The following SLC25A13 variants were observed in gnomAD, a reference collection of about 807,000 sequenced individuals.
SLC25A13 encodes solute carrier family 25 member 13.
In SLC25A13, 70 loss-of-function variants were observed where a neutral mutation model predicts 85.5. That is an observed-to-expected ratio of 0.82 (90% CI 0.68 to 1.00). SLC25A13 has a LOEUF of 1.00. SLC25A13 is among the 50% of genes least tolerant of loss of function. The pLI is 0.00. For synonymous variants in SLC25A13, 259 were observed against 288.7 expected (o/e 0.90, Z 1.04); for missense variants, 765 against 819.8 (o/e 0.93, Z 0.82).
chr7:96,308,709 A>G (rs1799849615), intron 1 of SLC25A13, among the ~76,000 whole-genome samples: 1 of 152,252 alleles, frequency 6.6e-6, no homozygotes, highest in African/African-American at 2.4e-5. Flanking sequence ...TAAAGAAAAA[A>G]ATGATAAATA....
chr7:96,174,982 C>T (rs935319102), intron 11 of SLC25A13, among the ~76,000 whole-genome samples: 5 of 152,166 alleles, frequency 3.3e-5, no homozygotes, highest in African/African-American at 7.2e-5. Context: ...GGTGCCTCCC[C>T]GCTAAGAAGC....
At chr7:96,145,122 T>C (rs544503425) in intron 14 of SLC25A13, among the ~76,000 whole-genome samples, 1 of 152,272 alleles carries the variant, frequency 6.6e-6, no homozygotes, top group East Asian at 1.9e-4. Context: ...TATTGTAGAA[T>C]CACAGATTGA....
intron 13 of SLC25A13, among the ~76,000 whole-genome samples, chr7:96,147,080 C>CAGAACGG (rs1792835258): frequency 1.9e-5 from 1 of 53,488 alleles, no homozygotes; most frequent in African/African-American, 1.3e-4. Flanking sequence ...AGACACAGAA[C>CAGAACGG]GTATCCAAAT....
At chr7:96,278,360 CCTCT>C (rs369991309) in intron 2 of SLC25A13, among the ~76,000 whole-genome samples, 1 of 152,046 alleles carries the variant, frequency 6.6e-6, no homozygotes, top group African/African-American at 2.4e-5. Context: ...CAGTGTCTCC[CCTCT>C]CTCTCTAATC....
chr7:96,178,257 GCCAGGGTGCCAAAGGACC>G (rs989132452), intron 11 of SLC25A13, among the ~76,000 whole-genome samples: 2 of 152,174 alleles, frequency 1.3e-5, no homozygotes, highest in African/African-American at 4.8e-5. Flanking sequence ...ACCCAGAGTG[GCCAGGGTGCCAAAGGACC>G]ACGCTGGGCA....
chr7:96,199,351 C>G (rs898427161), intron 5 of SLC25A13, among the ~76,000 whole-genome samples: 2 of 152,114 alleles, frequency 1.3e-5, no homozygotes, highest in Non-Finnish European at 2.9e-5. Context: ...ATACAAAGAG[C>G]AGGCAGACAA....
intron 3 of SLC25A13, among the ~76,000 whole-genome samples, chr7:96,261,208 C>A (rs1584528171): frequency 6.6e-6 from 1 of 152,286 alleles, no homozygotes; most frequent in African/African-American, 2.4e-5. Flanking sequence ...ACCACTTTAT[C>A]GACCATAGCA....
At chr7:96,157,162 C>T (rs929159326) in intron 13 of SLC25A13, among the ~76,000 whole-genome samples, 2 of 152,140 alleles carry the variant, frequency 1.3e-5, no homozygotes, top group African/African-American at 2.4e-5. Flanking sequence ...GAAGTCCAAG[C>T]GCCAAGCTTC....
At chr7:96,127,022 G>C (rs1417991153) in intron 15 of SLC25A13, among the ~76,000 whole-genome samples, 4 of 152,104 alleles carry the variant, frequency 2.6e-5, no homozygotes, top group African/African-American at 9.7e-5. Context: ...CTGTGTACTG[G>C]AACAGCTTTT....
Position 96,184,914 on chromosome 7 carries a change from A to C in SLC25A13, c.1018+13T>G. ...TAACAAAAGTGAAAATTTTTCTCTC[A>C]TCCATGACTAACCTCCAGCAACAGA... On this transcript the variant is annotated intron_variant, in intron 10 of 17. Coordinates refer to ENST00000265631, the MANE Select transcript of SLC25A13 (RefSeq NM_014251.3). The C allele has an allele frequency of 6.2e-7, 1 of 1,610,546 alleles. No homozygotes were observed. The highest frequency in any genetic ancestry group is 1.1e-5 in the South Asian group (1 of 91,010).
At chr7:96,221,747 C>T (rs1421638491) in intron 4 of SLC25A13, among the ~76,000 whole-genome samples, 5 of 152,166 alleles carry the variant, frequency 3.3e-5, no homozygotes, top group Admixed American at 1.3e-4. Context: ...CAACCTGAAT[C>T]GAAGTGACTG....
At chr7:96,173,651 G>A (rs964962944) in intron 11 of SLC25A13, among the ~76,000 whole-genome samples, 1 of 152,168 alleles carries the variant, frequency 6.6e-6, no homozygotes, top group Non-Finnish European at 1.5e-5. Flanking sequence ...CTGGCCTCAA[G>A]CAATCCTCCT....
intron 3 of SLC25A13, among the ~76,000 whole-genome samples, chr7:96,246,781 A>G (rs1175176152): frequency 6.6e-6 from 1 of 152,232 alleles, no homozygotes; most frequent in Non-Finnish European, 1.5e-5. Context: ...TCATTTTAAG[A>G]AATAAAATTA....
intron 1 of SLC25A13, 149 bp downstream of exon 1, chr7:96,321,793 C>T (rs1280139500): frequency 1.9e-6 from 2 of 1,027,198 alleles, no homozygotes; most frequent in African/African-American, 1.7e-5. Context: ...GTGGCCCCCT[C>T]CCTCCAGCAG....
chr7:96,188,644 A>T (rs557645893), intron 9 of SLC25A13, among the ~76,000 whole-genome samples: 2 of 152,230 alleles, frequency 1.3e-5, no homozygotes, highest in Non-Finnish European at 2.9e-5. Context: ...GATCTACAGA[A>T]AGCTGGGTAA....
At chr7:96,185,612 C>T (rs1029475700) in intron 9 of SLC25A13, among the ~76,000 whole-genome samples, 2 of 149,840 alleles carry the variant, frequency 1.3e-5, no homozygotes, top group Non-Finnish European at 3.0e-5. Context: ...AAAAATAGGT[C>T]GGGTACGGTG....
At chr7:96,259,042 T>C (rs558857375) in intron 3 of SLC25A13, among the ~76,000 whole-genome samples, 2 of 152,324 alleles carry the variant, frequency 1.3e-5, no homozygotes, top group South Asian at 4.1e-4. Context: ...ATCCCTTCCT[T>C]ACACTGTATA....
At chr7:96,168,979 G>T (rs987799589) in intron 13 of SLC25A13, among the ~76,000 whole-genome samples, 1 of 152,072 alleles carries the variant, frequency 6.6e-6, no homozygotes, top group Non-Finnish European at 1.5e-5. Flanking sequence ...GACATTAAAG[G>T]CTCCTTTTTT....
At chr7:96,129,010 A>G (rs1057170744) in intron 15 of SLC25A13, among the ~76,000 whole-genome samples, 5 of 138,574 alleles carry the variant, frequency 3.6e-5, no homozygotes, top group Non-Finnish European at 6.1e-5. Context: ...ATCTACTGCC[A>G]TGTTGTGAGG....
Sources: allele counts gnomAD v4.1 joint callset (sites outside exome capture counted in the v4.1 genomes callset), GRCh38; gene constraint gnomAD v4.1.1; transcripts MANE v1.5; gene names NCBI Gene and HGNC (gene_info 2026-07-23, HGNC 2026-07-21).